PCGF5: variants seen among roughly 807,000 people sequenced by gnomAD.
The protein encoded by PCGF5 is polycomb group ring finger 5, also known as polycomb group RING finger protein 5.
A neutral mutation model predicts 44.3 loss-of-function variants in PCGF5; 9 were observed. The ratio of observed to expected loss-of-function variants is 0.20; its 90% confidence interval spans 0.12 to 0.35. The LOEUF is 0.35. Among genes scored for constraint, PCGF5 ranks in the 10% least tolerant of loss-of-function variants. PCGF5 has a pLI of 1.00. For missense variants in PCGF5, 146 were observed against 305.3 expected, an observed-to-expected ratio of 0.48 and a Z score of 3.89; for synonymous variants, 95 against 102.5, an observed-to-expected ratio of 0.93 and a Z score of 0.44.
chr10:91,268,943 C>T (rs1337619045), intron 8 of PCGF5, among the ~76,000 whole-genome samples: 1 of 152,046 alleles, frequency 6.6e-6, no homozygotes, highest in Non-Finnish European at 1.5e-5. Context: ...GTATTGCCAC[C>T]TCAAGTTTCT....
intron 3 of PCGF5, among the ~76,000 whole-genome samples, 188 bp from the exon 4 acceptor site, chr10:91,248,314 TTTG>T (rs1845523381): frequency 6.6e-6 from 1 of 152,112 alleles, no homozygotes; most frequent in African/African-American, 2.4e-5. Flanking sequence ...TGGGACCATT[TTTG>T]TTATCAGTCT....
chr10:91,244,523 G>T (rs886933487), intron 3 of PCGF5, among the ~76,000 whole-genome samples: 1 of 152,150 alleles, frequency 6.6e-6, no homozygotes, highest in African/African-American at 2.4e-5. Flanking sequence ...GAATGAAATG[G>T]GGAGCCTCTG....
chr10:91,246,685 G>A (rs1589393078), intron 3 of PCGF5, among the ~76,000 whole-genome samples: 1 of 152,026 alleles, frequency 6.6e-6, no homozygotes, highest in South Asian at 2.1e-4. Flanking sequence ...AATGTGGCTT[G>A]GTGAGTAAAT....
intron 2 of PCGF5, among the ~76,000 whole-genome samples, chr10:91,228,222 C>T (rs1355308690): frequency 6.6e-6 from 1 of 152,056 alleles, no homozygotes; most frequent in African/African-American, 2.4e-5. Context: ...AATGTATCTG[C>T]TGGGTGGTAT....
At chr10:91,186,814 G>C (rs1048276290) in intron 1 of PCGF5, among the ~76,000 whole-genome samples, 4 of 152,072 alleles carry the variant, frequency 2.6e-5, no homozygotes, top group African/African-American at 9.7e-5. Flanking sequence ...GTCCCAGCTG[G>C]TTTCTGGGGG....
chr10:91,275,733 G>A (rs185930384), intron 9 of PCGF5, among the ~76,000 whole-genome samples: 365 of 152,060 alleles, frequency 2.4e-3, no homozygotes, highest in African/African-American at 8.4e-3. Flanking sequence ...GATTACAGGC[G>A]TGAGCCACTG....
intron 6 of PCGF5, among the ~76,000 whole-genome samples, chr10:91,256,489 G>T (rs1845755951): frequency 1.3e-5 from 2 of 152,060 alleles, no homozygotes; most frequent in Non-Finnish European, 2.9e-5. Flanking sequence ...GGAAGTTCCA[G>T]AAGGAGAGGA....
chr10:91,159,697 A>G (rs995590968), upstream of PCGF5, among the ~76,000 whole-genome samples: 1 of 152,206 alleles, frequency 6.6e-6, no homozygotes, highest in Non-Finnish European at 1.5e-5. Context: ...ATATGACGAT[A>G]TTTCATTCTC....
intron 1 of PCGF5, among the ~76,000 whole-genome samples, chr10:91,176,319 C>G (rs1843706717): frequency 6.6e-6 from 1 of 152,200 alleles, no homozygotes; most frequent in African/African-American, 2.4e-5. Context: ...GGTAACCCAA[C>G]CTTTCTCTCT....
chr10:91,185,288 G>C (rs915499080), intron 1 of PCGF5, among the ~76,000 whole-genome samples: 2 of 152,150 alleles, frequency 1.3e-5, no homozygotes, highest in Non-Finnish European at 2.9e-5. Context: ...GAAGCAGTCT[G>C]GCCATGTTTT....
At chr10:91,173,578 C>CTTTTTTTTTTTTTTTTTTTTTTTT (rs59254639) in intron 1 of PCGF5, among the ~76,000 whole-genome samples, 1 of 115,628 alleles carries the variant, frequency 8.6e-6, no homozygotes, top group African/African-American at 3.4e-5. Flanking sequence ...AGGGAGTTGG[C>CTTTTTTTTTTTTTTTTTTTTTTTT]TTTTTTTTTT....
chr10:91,197,852 T>A (rs1369666475), intron 1 of PCGF5, among the ~76,000 whole-genome samples: 1 of 152,198 alleles, frequency 6.6e-6, no homozygotes, highest in Non-Finnish European at 1.5e-5. Context: ...AAAACAGACG[T>A]TCCAAGGAAA....
At chr10:91,207,675 A>G (rs1844372009) in intron 1 of PCGF5, among the ~76,000 whole-genome samples, 1 of 152,194 alleles carries the variant, frequency 6.6e-6, no homozygotes, top group African/African-American at 2.4e-5. Flanking sequence ...GTATTTAGTT[A>G]TCAAATTTCT....
intron 3 of PCGF5, 25 bp downstream of exon 3, chr10:91,240,605 C>T (rs1481859200): frequency 6.8e-7 from 1 of 1,470,178 alleles, no homozygotes; most frequent in Non-Finnish European, 9.4e-7. Context: ...TTTTACAGTT[C>T]ATCTAATTTA....
intron 1 of PCGF5, among the ~76,000 whole-genome samples, chr10:91,206,523 G>A (rs1844350313): frequency 6.6e-6 from 1 of 152,140 alleles, no homozygotes; most frequent in East Asian, 1.9e-4. Context: ...AGCCTGCATG[G>A]AGCCTCAGTG....
chr10:91,193,537 T>C (rs369577544), intron 1 of PCGF5, among the ~76,000 whole-genome samples: 20 of 151,442 alleles, frequency 1.3e-4, no homozygotes, highest in African/African-American at 4.6e-4. Context: ...ACCTGCGTGT[T>C]TGAGGGGTGG....
chr10:91,262,522 C>G (rs1238813224), intron 7 of PCGF5, among the ~76,000 whole-genome samples: 1 of 152,136 alleles, frequency 6.6e-6, no homozygotes, highest in Non-Finnish European at 1.5e-5. Flanking sequence ...TCTGGCTTAT[C>G]TGCAGTAATA....
At chr10:91,190,857 C>T (rs767746438) in intron 1 of PCGF5, among the ~76,000 whole-genome samples, 1 of 152,218 alleles carries the variant, frequency 6.6e-6, no homozygotes, top group Non-Finnish European at 1.5e-5. Flanking sequence ...TATTTCACAT[C>T]AGTTCCTGCT....
intron 1 of PCGF5, among the ~76,000 whole-genome samples, chr10:91,213,728 C>T (rs1475483485): frequency 6.6e-6 from 1 of 151,746 alleles, no homozygotes; most frequent in Non-Finnish European, 1.5e-5. Flanking sequence ...TCAGAGAGGT[C>T]CCCACCTCGG....
Sources: gnomAD v4.1 joint callset for allele counts (sites outside exome capture counted in the v4.1 genomes callset) on GRCh38, gnomAD v4.1.1 for gene constraint, MANE v1.5 for transcripts, NCBI Gene and HGNC (gene_info 2026-07-23, HGNC 2026-07-21) for gene names.